Variants in SPOCK3 observed in about 807,000 individuals in gnomAD.
SPOCK3 encodes testican-3.
SPOCK3 carries 30 observed loss-of-function variants against 56.6 expected under a neutral mutation model. The observed-to-expected ratio is 0.53, with a 90% confidence interval of 0.40 to 0.72. The LOEUF (loss-of-function observed/expected upper bound fraction) is 0.72, where lower values mean the gene tolerates loss of function less well. Ranked by LOEUF, SPOCK3 falls within the 30% of genes least tolerant of loss-of-function variation. SPOCK3 has a pLI of 0.00. For missense variants in SPOCK3, 527 were observed against 530.0 expected, an observed-to-expected ratio of 0.99 and a Z score of 0.06; for synonymous variants, 196 against 183.3, an observed-to-expected ratio of 1.07 and a Z score of -0.56.
chr4:166,736,160 T>C (rs1227150509), intron 10 of SPOCK3, among the ~76,000 whole-genome samples: 1 of 152,076 alleles, frequency 6.6e-6, no homozygotes. Context: ...CCATCTTAAC[T>C]GAAGAAAATA....
intron 5 of SPOCK3, among the ~76,000 whole-genome samples, chr4:166,901,602 G>A (rs1002459583): frequency 3.3e-5 from 5 of 152,116 alleles, no homozygotes; most frequent in Non-Finnish European, 7.4e-5. Flanking sequence ...AATTGTCCAG[G>A]ATGCCTCTCT....
In SPOCK3 at chr4:166,898,761, C is replaced by T. The variant is rs1204250794; in HGVS notation, c.475-9517G>A. Among the ~76,000 whole-genome samples the T allele has an allele frequency of 3.3e-5, 5 of 152,082 alleles. No individual in the cohort carries two copies. The South Asian group carries it at 6.2e-4, about 19-fold the overall frequency. On this transcript the variant is annotated intron_variant, in intron 5 of 10. Transcript: ENST00000357545. ...CTTGTGGGAGATGGAAACCTCTTAT[C>T]GTTTGCCAAAAATAGGTGTGTGTAA... is the stretch of plus-strand genomic sequence containing the variant.
At chr4:166,838,526 G>A (rs987317427) in intron 6 of SPOCK3, among the ~76,000 whole-genome samples, 32 of 151,032 alleles carry the variant, frequency 2.1e-4, no homozygotes, top group African/African-American at 4.9e-4. Context: ...CAGAATTTCC[G>A]TTGGTTATTT....
At chr4:167,168,007 A>G (rs534804831) in intron 2 of SPOCK3, among the ~76,000 whole-genome samples, 40 of 152,138 alleles carry the variant, frequency 2.6e-4, no homozygotes, top group Admixed American at 5.2e-4. Context: ...GGTTTTATAA[A>G]TGGGAGTTCC....
chr4:167,211,656 TG>T (rs1367371354), intron 2 of SPOCK3, among the ~76,000 whole-genome samples: 1 of 152,186 alleles, frequency 6.6e-6, no homozygotes, highest in African/African-American at 2.4e-5. Context: ...TGCCACCATG[TG>T]AGACATGCCT....
intron 9 of SPOCK3, among the ~76,000 whole-genome samples, 155 bp downstream of exon 9, chr4:166,741,842 A>C (rs985822131): frequency 2.0e-5 from 3 of 152,172 alleles, no homozygotes; most frequent in Non-Finnish European, 4.4e-5. Flanking sequence ...AAGGTAATAA[A>C]AGTAAGTTTA....
At chr4:166,937,542 T>C (rs1740560387) in intron 4 of SPOCK3, among the ~76,000 whole-genome samples, 1 of 147,982 alleles carries the variant, frequency 6.8e-6, no homozygotes, top group Non-Finnish European at 1.5e-5. Flanking sequence ...ATATAATATA[T>C]ATTATATATT....
Position 166,741,993 on chromosome 4 carries a change from T to C in SPOCK3, c.994+4A>G. 6.2e-7 allele frequency: 1 copy of C among 1,606,432 alleles called. No individual in the cohort carries two copies. The highest frequency in any genetic ancestry group is 8.5e-7 in the Non-Finnish European group (1 of 1,173,602). ...AGCCTTCAGAAGAATGATCTATTAC[T>C]CACCTAGGAGCTTCTTTACCCCTTG... On this transcript the variant is annotated splice_donor_region_variant and intron_variant, in intron 9 of 10. Transcript: ENST00000357545.
At chr4:167,162,043 TA>T (rs913474119) in intron 2 of SPOCK3, among the ~76,000 whole-genome samples, 7 of 150,486 alleles carry the variant, frequency 4.7e-5, no homozygotes, top group Non-Finnish European at 8.9e-5. Context: ...AGTATAATAA[TA>T]AAAAAAAAGA....
chr4:167,115,090 C>T (rs577652170), intron 2 of SPOCK3, among the ~76,000 whole-genome samples: 6 of 152,078 alleles, frequency 3.9e-5, no homozygotes, highest in Non-Finnish European at 5.9e-5. Flanking sequence ...TTTGATATTG[C>T]GAACAACTAA....
intron 2 of SPOCK3, chr4:167,119,748 G>T: frequency 7.8e-7 from 1 of 1,286,230 alleles, no homozygotes; most frequent in African/African-American, 1.5e-5. Flanking sequence ...TGGGTACTCT[G>T]CTACCCACTA....
At chr4:166,837,805 ATT>A (rs1746790376) in intron 6 of SPOCK3, among the ~76,000 whole-genome samples, 1 of 151,744 alleles carries the variant, frequency 6.6e-6, no homozygotes, top group African/African-American at 2.4e-5. Flanking sequence ...TTCCTTTAGC[ATT>A]TTCTTTCTTT....
At chr4:167,082,312 T>C (rs1402066191) in intron 2 of SPOCK3, among the ~76,000 whole-genome samples, 1 of 152,070 alleles carries the variant, frequency 6.6e-6, no homozygotes, top group Non-Finnish European at 1.5e-5. Context: ...GTGTGATCTG[T>C]TTGGTTTTAT....
In SPOCK3 at chr4:166,741,799, G is replaced by T. The variant is rs973076518; in HGVS notation, c.994+198C>A. Among the ~76,000 whole-genome samples the T allele has an allele frequency of 1.3e-5, 2 of 151,984 alleles. 1 individual carries two copies. Among genetic ancestry groups the T allele is most frequent in the South Asian group, 4.1e-4 (2 of 4,820 alleles). The stretch of plus-strand genomic sequence containing the variant: ...CTTTCAAAATGAACATTATATTAGG[G>T]TAATAAAACAGACATAATATCTTTC... On this transcript the variant is annotated intron_variant, in intron 9 of 10. Transcript: ENST00000357545.
chr4:167,051,362 T>A (rs1754182988), intron 3 of SPOCK3, among the ~76,000 whole-genome samples: 1 of 152,214 alleles, frequency 6.6e-6, no homozygotes, highest in Non-Finnish European at 1.5e-5. Flanking sequence ...GTTTTTTCAA[T>A]CTTAATAATT....
At chr4:166,769,231 G>C (rs1017904170) in intron 7 of SPOCK3, among the ~76,000 whole-genome samples, 1 of 152,192 alleles carries the variant, frequency 6.6e-6, no homozygotes, top group South Asian at 2.1e-4. Flanking sequence ...TGCTGGGGAG[G>C]AGCTGCGTTC....
At chr4:166,991,298 A>G (rs941931356) in intron 4 of SPOCK3, among the ~76,000 whole-genome samples, 2 of 151,784 alleles carry the variant, frequency 1.3e-5, no homozygotes, top group African/African-American at 2.4e-5. Flanking sequence ...ACACACATAC[A>G]TTTATTCCTG....
At chr4:167,202,850 G>A (rs1014395147) in intron 2 of SPOCK3, among the ~76,000 whole-genome samples, 1 of 151,642 alleles carries the variant, frequency 6.6e-6, no homozygotes, top group South Asian at 2.1e-4. Flanking sequence ...TGTAGATAAA[G>A]GGGAATACTA....
chr4:167,006,393 T>C (rs145015161), intron 3 of SPOCK3, among the ~76,000 whole-genome samples: 1 of 152,214 alleles, frequency 6.6e-6, no homozygotes, highest in African/African-American at 2.4e-5. Flanking sequence ...AATAAAAAGT[T>C]AAAACTTTTG....
Sources: allele counts gnomAD v4.1 joint callset (sites outside exome capture counted in the v4.1 genomes callset), GRCh38; gene constraint gnomAD v4.1.1; transcripts MANE v1.5; gene names NCBI Gene and HGNC (gene_info 2026-07-23, HGNC 2026-07-21).